Variants in WDPCP observed in about 807,000 individuals in gnomAD.
WDPCP encodes WD repeat containing planar cell polarity effector.
WDPCP carries 71 observed loss-of-function variants against 93.1 expected under a neutral mutation model. The ratio of observed to expected loss-of-function variants is 0.76; its 90% CI spans 0.63 to 0.93. WDPCP has a LOEUF of 0.93. Ranked by LOEUF, WDPCP falls within the 40% of genes least tolerant of loss-of-function variation. The pLI is 0.00. For missense variants in WDPCP, 844 were observed against 887.4 expected, an observed-to-expected ratio of 0.95 and a Z score of 0.62; for synonymous variants, 315 against 315.0, an observed-to-expected ratio of 1.00 and a Z score of 0.00.
rs757037739 is a variant in WDPCP, at chr2:63,487,485, A to G, written c.170T>C (p.Ile57Thr). The change falls in exon 3 of 18, where the codon ATT becomes ACT. Residue 57 changes from isoleucine to threonine, a missense_variant. Coordinates refer to ENST00000272321, the MANE Select transcript of WDPCP (RefSeq NM_015910.7). ...CTTGTCATAATACTGGTAGATCCCA[A>G]TGTCTCTATCTATAGAAAGGAAGAA... ...KNTLHIADRD[I>T]GIYQYYDKKD... The G allele has an allele frequency of 3.1e-6, 5 of 1,594,278 alleles. No homozygotes were observed. The highest frequency in any genetic ancestry group is 1.7e-5 in the Admixed American group (1 of 59,716).
chr2:63,238,002 TA>T (rs767082151), intron 14 of WDPCP, among the ~76,000 whole-genome samples: 5 of 140,350 alleles, frequency 3.6e-5, no homozygotes, highest in Admixed American at 7.1e-5. Flanking sequence ...AAATATTTTC[TA>T]AAAAAAAAAA....
intron 2 of WDPCP, among the ~76,000 whole-genome samples, chr2:63,488,760 T>C (rs193290600): frequency 6.6e-6 from 1 of 152,168 alleles, no homozygotes; most frequent in Admixed American, 6.6e-5. Context: ...TTCCACCCTA[T>C]AATTATACTC....
chr2:63,472,853 C>A (rs2105832331), intron 6 of WDPCP, among the ~76,000 whole-genome samples: 1 of 152,320 alleles, frequency 6.6e-6, no homozygotes. Context: ...AGCCGCCGTG[C>A]CCAGCCAATT....
intron 1 of WDPCP, among the ~76,000 whole-genome samples, chr2:63,495,887 G>A (rs1701192744): frequency 6.6e-6 from 1 of 152,080 alleles, no homozygotes; most frequent in Non-Finnish European, 1.5e-5. Flanking sequence ...GGTTTATGAA[G>A]GAAAAACATC....
At chr2:63,573,607 C>T (rs539073573) in intron 1 of WDPCP, among the ~76,000 whole-genome samples, 20 of 152,122 alleles carry the variant, frequency 1.3e-4, no homozygotes, top group Non-Finnish European at 2.2e-4. Flanking sequence ...GTGATGATTG[C>T]GTTAACTGCA....
chr2:63,642,297 G>T (rs1324802374), intron 3 of WDPCP, among the ~76,000 whole-genome samples: 1 of 151,868 alleles, frequency 6.6e-6, no homozygotes, highest in Non-Finnish European at 1.5e-5. Flanking sequence ...GATTAGTGTG[G>T]GTTTTTGTGG....
intron 9 of WDPCP, among the ~76,000 whole-genome samples, chr2:63,425,615 T>A (rs950522458): frequency 6.6e-6 from 1 of 152,062 alleles, no homozygotes; most frequent in Admixed American, 6.6e-5. Flanking sequence ...TAGACTAAAC[T>A]AGGAAAAGAA....
At chr2:63,294,070 A>G (rs1336456167) in intron 13 of WDPCP, among the ~76,000 whole-genome samples, 3 of 152,296 alleles carry the variant, frequency 2.0e-5, no homozygotes, top group East Asian at 3.9e-4. Context: ...TTATAATTAA[A>G]TGTTCAAAAT....
chr2:63,397,991 G>A (rs191076847), intron 10 of WDPCP, among the ~76,000 whole-genome samples: 12 of 152,226 alleles, frequency 7.9e-5, no homozygotes, highest in Non-Finnish European at 1.0e-4. Context: ...AGATGGGGCC[G>A]GGGAGGGTGA....
chr2:63,584,024 G>C (rs991223252), intron 1 of WDPCP, among the ~76,000 whole-genome samples: 2 of 152,184 alleles, frequency 1.3e-5, no homozygotes, highest in Non-Finnish European at 2.9e-5. Context: ...GCTATGTGCA[G>C]TGGTTCATGC....
intron 2 of WDPCP, among the ~76,000 whole-genome samples, chr2:63,774,406 A>G (rs1430556453): frequency 2.2e-4 from 33 of 152,116 alleles, no homozygotes; most frequent in Non-Finnish European, 2.9e-5. Flanking sequence ...TTCTCACTTC[A>G]GTTCTCTTCT....
intron 12 of WDPCP, among the ~76,000 whole-genome samples, chr2:63,314,328 C>G (rs1258937646): frequency 6.6e-6 from 1 of 152,032 alleles, no homozygotes; most frequent in Non-Finnish European, 1.5e-5. Context: ...CCACTATGCC[C>G]AGCTAATTTT....
intron 9 of WDPCP, among the ~76,000 whole-genome samples, chr2:63,424,887 C>A (rs1696147438): frequency 6.6e-6 from 1 of 152,102 alleles, no homozygotes; most frequent in African/African-American, 2.4e-5. Context: ...GGGGGATCCC[C>A]AAGGCCCGGG....
chr2:63,664,159 A>C lies in WDPCP; in HGVS notation n.309-13321T>G, dbSNP rs142821687. 1.2e-4 allele frequency among the ~76,000 whole-genome samples: 18 copies of C among 152,344 alleles called. No homozygotes were observed. In the Middle Eastern group the frequency reaches 0.01, roughly 86 times the overall value. On this transcript the variant is annotated intron_variant and non_coding_transcript_variant, in intron 2 of 4. Coordinates refer to the WDPCP transcript ENST00000467687. ...AGAAGCTGACAATCTCAGTTTAGGCATCATCAGTACGTGAGTGGTCATTAA... is the reference window on the plus strand; with the variant it reads ...AGAAGCTGACAATCTCAGTTTAGGCCTCATCAGTACGTGAGTGGTCATTAA...
chr2:63,840,800 C>G, the WDPCP span: 1 of 152,688 alleles, frequency 6.5e-6, no homozygotes. Flanking sequence ...GTGCTGCTCC[C>G]ACGCGCGGTA....
At chr2:63,295,880 CAAAAAAAA>C (rs59418675) in intron 13 of WDPCP, among the ~76,000 whole-genome samples, 5 of 115,252 alleles carry the variant, frequency 4.3e-5, no homozygotes, top group Non-Finnish European at 1.8e-5. Context: ...GAAACTATTC[CAAAAAAAA>C]AAAAAAAAAA....
intron 1 of WDPCP, among the ~76,000 whole-genome samples, chr2:63,531,370 G>A (rs531377833): frequency 3.9e-5 from 6 of 152,348 alleles, no homozygotes; most frequent in African/African-American, 1.4e-4. Context: ...TGAGATCTGA[G>A]AATGGACAGA....
chr2:63,151,129 A>G (rs764077643), intron 17 of WDPCP, among the ~76,000 whole-genome samples: 4 of 152,236 alleles, frequency 2.6e-5, no homozygotes, highest in Non-Finnish European at 5.9e-5. Context: ...TTCCAGAAAG[A>G]TCCTTGGGAA....
chr2:63,664,065 A>G (rs1295406314), intron 2 of WDPCP, among the ~76,000 whole-genome samples: 1 of 152,188 alleles, frequency 6.6e-6, no homozygotes, highest in Non-Finnish European at 1.5e-5. Context: ...GGTTAGGCAC[A>G]TGTTTGTCTC....
Sources: gnomAD v4.1 joint callset for allele counts (sites outside exome capture counted in the v4.1 genomes callset) on GRCh38, gnomAD v4.1.1 for gene constraint, MANE v1.5 for transcripts, NCBI Gene and HGNC (gene_info 2026-07-23, HGNC 2026-07-21) for gene names.